PITX3: variants seen among roughly 807,000 people sequenced by gnomAD.
PITX3 encodes pituitary homeobox 3.
Under a neutral mutation model 14.2 loss-of-function variants are expected in PITX3, and 4 were observed. The observed-to-expected ratio is 0.28, with a 90% CI of 0.14 to 0.65. PITX3 has a LOEUF of 0.65. Among genes scored for constraint, PITX3 ranks in the 30% least tolerant of loss-of-function variants. The pLI, the probability that PITX3 is intolerant of heterozygous loss-of-function variation, is 0.82. For missense variants in PITX3, 358 were observed against 426.8 expected (o/e 0.84, Z 1.42); for synonymous variants, 194 against 204.5 (o/e 0.95, Z 0.44).
In PITX3 at chr10:102,230,976, G is replaced by A. The variant is rs149902448; in HGVS notation, c.447C>T (p.Pro149=). The part of the protein sequence containing the change: ...GLVPPYEEVY[P]GYSYGNWPPK... ...GCGGCCAGTTGCCGTACGAGTAGCCGGGGTACACCTCCTCGTAGGGCGGCA... is the reference window on the plus strand; with the variant it reads ...GCGGCCAGTTGCCGTACGAGTAGCCAGGGTACACCTCCTCGTAGGGCGGCA... Residue 149 remains proline (P), a synonymous_variant, in exon 4 of 4, where the codon CCC becomes CCT. Transcript: ENST00000370002. 46 of 1,606,904 alleles carry A rather than the reference G, an allele frequency of 2.9e-5. 1 individual carries two copies. The Middle Eastern group carries it at 1.7e-3, about 58-fold the overall frequency.
rs988311095 is a variant in PITX3, at chr10:102,230,406, A to G, written c.*108T>C. On this transcript the variant is annotated 3_prime_UTR_variant, in exon 4 of 4. Coordinates refer to ENST00000370002, the MANE Select transcript of PITX3 (RefSeq NM_005029.4). ...GCCGGTGCCCCCCAGCTGCCCAAACACCCCTTTCAGACCCTGGGGCGGGAG... is the reference window on the plus strand; with the variant it reads ...GCCGGTGCCCCCCAGCTGCCCAAACGCCCCTTTCAGACCCTGGGGCGGGAG... 3.0e-5 allele frequency: 45 copies of G among 1,482,686 alleles called. No individual in the cohort carries two copies. Among genetic ancestry groups the G allele is most frequent in the Non-Finnish European group, 3.9e-5 (43 of 1,106,462 alleles). The allele number at this position is 1,482,686 out of a possible 1,614,324, so 91.8% of individuals were successfully genotyped here.
intron 1 of PITX3, among the ~76,000 whole-genome samples, chr10:102,237,808 A>G (rs1460254885): frequency 3.3e-5 from 5 of 152,064 alleles, no homozygotes; most frequent in African/African-American, 4.8e-5. Context: ...TCTTCAAGTG[A>G]TATCACCACA....
rs777329578 is a variant in PITX3 at position 102,230,489 on chromosome 10, G to A, written c.*25C>T. 179 of 1,594,382 alleles carry A rather than the reference G, an allele frequency of 1.1e-4. No individual in the cohort carries two copies. The highest frequency in any genetic ancestry group is 1.5e-4 in the Non-Finnish European group (173 of 1,170,970). ...GCTGTGAATCGTTGCCCCCGCCCTC[G>A]GGGATGATCTACGGGCGGGGCCGCT... On this transcript the variant is annotated 3_prime_UTR_variant, in exon 4 of 4. Transcript: ENST00000370002.
At chr10:102,236,218 G>A (rs2070390322) in intron 1 of PITX3, among the ~76,000 whole-genome samples, 1 of 152,202 alleles carries the variant, frequency 6.6e-6, no homozygotes, top group African/African-American at 2.4e-5. Flanking sequence ...CTGGAGGTCA[G>A]GAAGCTAGGG....
At position 102,231,756 on chromosome 10, in the gene PITX3, G is replaced by A. The variant is rs1488496348; in HGVS notation, c.153C>T (p.Gly51=). Residue 51 remains glycine (G), a synonymous_variant, in exon 3 of 4, where the codon GGC becomes GGT. Transcript: ENST00000370002. ...SEKASASLPG[G]SPEDGSLKKK... ...TTTTCAGCGAACCGTCCTCTGGGGA[G>A]CCGCCGGGCAGCGAAGCCGAGGCCT... is the stretch of plus-strand genomic sequence containing the variant. The A allele has an allele frequency of 6.2e-7, 1 of 1,607,982 alleles. No homozygotes were observed. The highest frequency in any genetic ancestry group is 8.5e-7 in the Non-Finnish European group (1 of 1,178,296).
At chr10:102,233,704 A>G (rs112017358) in intron 1 of PITX3, among the ~76,000 whole-genome samples, 2 of 152,194 alleles carry the variant, frequency 1.3e-5, no homozygotes, top group African/African-American at 2.4e-5. Context: ...GCCTGGTCTC[A>G]TGCCTGCACC....
intron 1 of PITX3, among the ~76,000 whole-genome samples, chr10:102,235,189 C>A (rs1403811848): frequency 6.9e-6 from 1 of 145,100 alleles, no homozygotes; most frequent in Non-Finnish European, 1.5e-5. Context: ...ACCCCCCCAC[C>A]GCCTCCCTGG....
At chr10:102,236,047 A>C (rs1303455825) in intron 1 of PITX3, among the ~76,000 whole-genome samples, 3 of 152,192 alleles carry the variant, frequency 2.0e-5, no homozygotes, top group East Asian at 3.8e-4. Context: ...GAGAGAAGGA[A>C]AGAACAGTAA....
Position 102,231,680 on chromosome 10 carries a change from G to A in PITX3, c.229C>T (p.Leu77=). The change falls in exon 3 of 4, where the codon CTA becomes TTA. Residue 77 remains leucine (L), a synonymous_variant. Coordinates refer to ENST00000370002, the MANE Select transcript of PITX3 (RefSeq NM_005029.4). ...CGGTTCCTCTGGAAGGTCGCCTCTA[G>A]CTCCTGTAGCTGCTGGCTGGTGAAG... ...THFTSQQLQE[L]EATFQRNRYP... The A allele has an allele frequency of 6.2e-7, 1 of 1,612,108 alleles. No homozygotes were observed. The highest frequency in any genetic ancestry group is 1.1e-5 in the South Asian group (1 of 90,758).
chr10:102,230,899 T>C lies in PITX3; in HGVS notation c.524A>G (p.Asn175Ser), dbSNP rs763219900. 1.1e-5 allele frequency: 17 copies of C among 1,611,372 alleles called. No individual in the cohort carries two copies. The highest frequency in any genetic ancestry group is 1.4e-5 in the Non-Finnish European group (17 of 1,179,214). Residue 175 changes from asparagine (N) to serine (S), a missense_variant, in exon 4 of 4, where the codon AAC (asparagine) becomes AGC (serine). Transcript: ENST00000370002. ...AGCCAGAGGCCCCACGTTGACCGAGTTGAAGGCGAATGGAAAGGTCTTGGC... is the reference window on the plus strand; with the variant it reads ...AGCCAGAGGCCCCACGTTGACCGAGCTGAAGGCGAATGGAAAGGTCTTGGC... ...LAAKTFPFAF[N>S]SVNVGPLASQ...
At chr10:102,238,552 G>T (rs1388364340) in intron 1 of PITX3, among the ~76,000 whole-genome samples, 1 of 152,216 alleles carries the variant, frequency 6.6e-6, no homozygotes, top group Non-Finnish European at 1.5e-5. Flanking sequence ...CTGCATCAGG[G>T]ATGAGATTAG....
intron 1 of PITX3, among the ~76,000 whole-genome samples, chr10:102,233,544 TCTGCCTGCCTCGGCCTCCCAAAGTG>T (rs2070310562): frequency 6.6e-6 from 1 of 152,164 alleles, no homozygotes; most frequent in African/African-American, 2.4e-5. Context: ...TCGCAGGTGA[TCTGCCTGCCTCGGCCTCCCAAAGTG>T]CTGGAATTAC....
At chr10:102,235,157 T>G (rs2070351402) in intron 1 of PITX3, among the ~76,000 whole-genome samples, 1 of 141,744 alleles carries the variant, frequency 7.1e-6, no homozygotes, top group African/African-American at 2.7e-5. Flanking sequence ...AGCTAGCCAT[T>G]ATTACCCTTC....
At chr10:102,238,612 G>T (rs556041584) in intron 1 of PITX3, among the ~76,000 whole-genome samples, 1 of 152,188 alleles carries the variant, frequency 6.6e-6, no homozygotes, top group African/African-American at 2.4e-5. Flanking sequence ...TCTGCAGCTT[G>T]GGCATAATAA....
At chr10:102,236,525 C>T (rs2070399228) in intron 1 of PITX3, among the ~76,000 whole-genome samples, 1 of 152,200 alleles carries the variant, frequency 6.6e-6, no homozygotes, top group South Asian at 2.1e-4. Context: ...TGCTCTGATT[C>T]TGTAGTACAG....
intron 1 of PITX3, among the ~76,000 whole-genome samples, chr10:102,240,298 G>A (rs1387494389): frequency 6.6e-6 from 1 of 152,170 alleles, no homozygotes; most frequent in Non-Finnish European, 1.5e-5. Context: ...CTCCTCATTG[G>A]CCTTCTGTCC....
intron 1 of PITX3, among the ~76,000 whole-genome samples, chr10:102,236,335 C>G (rs2070393571): frequency 6.6e-6 from 1 of 152,202 alleles, no homozygotes. Flanking sequence ...AATGCCCAGG[C>G]AGGGACAGAG....
Position 102,236,396 on chromosome 10 carries a change from C to T in PITX3, c.-12-4304G>A, listed in dbSNP as rs557021466. Among the ~76,000 whole-genome samples, 10 of 152,300 alleles carry T rather than the reference C, an allele frequency of 6.6e-5. No homozygotes were observed. In the South Asian group the frequency reaches 1.0e-3, roughly 16 times the overall value. ...GAGTCCAGCTCTGGAAGGGGGCTGC[C>T]GGCCCCACCCCTAGACTTTTTGCCA... On this transcript the variant is annotated intron_variant, in intron 1 of 3. Coordinates refer to ENST00000370002, the MANE Select transcript of PITX3 (RefSeq NM_005029.4).
chr10:102,235,169 CCCA>C (rs375719964), intron 1 of PITX3, among the ~76,000 whole-genome samples: 17 of 71,570 alleles, frequency 2.4e-4, no homozygotes, highest in East Asian at 1.8e-3. Context: ...TTACCCTTCC[CCCA>C]CCCCCCACCC....
Sources: allele counts gnomAD v4.1 joint callset (sites outside exome capture counted in the v4.1 genomes callset), GRCh38; gene constraint gnomAD v4.1.1; transcripts MANE v1.5; gene names NCBI Gene and HGNC (gene_info 2026-07-23, HGNC 2026-07-21).